The following EBF1 variants were observed in gnomAD, a reference collection of about 807,000 sequenced individuals.
EBF1 encodes the protein EBF transcription factor 1, also known as transcription factor COE1.
Under a neutral mutation model 68.4 loss-of-function variants are expected in EBF1, and 10 were observed. The observed-to-expected ratio is 0.15, with a 90% confidence interval of 0.09 to 0.25. The LOEUF is 0.25. Ranked by LOEUF, EBF1 falls within the 10% of genes least tolerant of loss-of-function variation. EBF1 has a pLI of 1.00. For missense variants in EBF1, 509 were observed against 794.4 expected (o/e 0.64, Z 4.32); for synonymous variants, 298 against 299.8 (o/e 0.99, Z 0.06).
At chr5:158,824,676 C>T (rs1335757981) in intron 7 of EBF1, among the ~76,000 whole-genome samples, 2 of 152,228 alleles carry the variant, frequency 1.3e-5, no homozygotes, top group Non-Finnish European at 2.9e-5. Flanking sequence ...AAGGGGGCAT[C>T]GACTTCTGAA....
chr5:158,797,237 C>A (rs1779751283), intron 8 of EBF1, among the ~76,000 whole-genome samples: 1 of 152,140 alleles, frequency 6.6e-6, no homozygotes, highest in South Asian at 2.1e-4. Flanking sequence ...AAATAATTTG[C>A]AAATACTGTG....
chr5:158,980,584 A>AC, intron 6 of EBF1, among the ~76,000 whole-genome samples: 1 of 152,226 alleles, frequency 6.6e-6, no homozygotes, highest in African/African-American at 2.4e-5. Context: ...ACAAATATCA[A>AC]CCCCCCGCAA....
At chr5:159,082,590 A>T (rs1161220835) in intron 5 of EBF1, among the ~76,000 whole-genome samples, 4 of 152,226 alleles carry the variant, frequency 2.6e-5, no homozygotes, top group Non-Finnish European at 4.4e-5. Context: ...GATGGTGTGG[A>T]AAGTGAGAAT....
At chr5:158,898,921 C>T (rs1409867380) in intron 6 of EBF1, among the ~76,000 whole-genome samples, 1 of 152,170 alleles carries the variant, frequency 6.6e-6, no homozygotes, top group Non-Finnish European at 1.5e-5. Context: ...CCTACAGTGA[C>T]AACACAACCT....
intron 10 of EBF1, among the ~76,000 whole-genome samples, chr5:158,737,265 G>GTTTT (rs1491041647): frequency 2.6e-5 from 2 of 78,238 alleles, no homozygotes; most frequent in African/African-American, 4.8e-5. Context: ...AACATGCCCT[G>GTTTT]ATTTTTTTTT....
At chr5:159,050,482 T>A (rs949993039) in intron 6 of EBF1, among the ~76,000 whole-genome samples, 1 of 152,134 alleles carries the variant, frequency 6.6e-6, no homozygotes, top group Non-Finnish European at 1.5e-5. Context: ...GATAAACATG[T>A]CACCAGAGAC....
intron 6 of EBF1, among the ~76,000 whole-genome samples, chr5:159,000,058 C>T (rs1762230751): frequency 6.6e-6 from 1 of 152,108 alleles, no homozygotes; most frequent in Non-Finnish European, 1.5e-5. Flanking sequence ...GACATTTGTG[C>T]TGAAGGTGCA....
At chr5:158,792,693 T>TG (rs1368531191) in intron 9 of EBF1, among the ~76,000 whole-genome samples, 1 of 152,198 alleles carries the variant, frequency 6.6e-6, no homozygotes, top group Non-Finnish European at 1.5e-5. Flanking sequence ...TCATGTGGTC[T>TG]GGGGCAAAGA....
Position 158,784,056 on chromosome 5 carries a change from A to T in EBF1, c.910-6517T>A, listed in dbSNP as rs919900336. Among the ~76,000 whole-genome samples the T allele has an allele frequency of 6.6e-5, 10 of 151,790 alleles. 1 individual carries two copies. In the South Asian group the frequency reaches 2.1e-3, roughly 31 times the overall value. Reference sequence around the variant, plus strand: ...ATCTATATTGTTCTAGTTCTCACTAAATTGATGATGGTAATGACCTTGATA... The same window carrying T: ...ATCTATATTGTTCTAGTTCTCACTATATTGATGATGGTAATGACCTTGATA... On this transcript the variant is annotated intron_variant, in intron 9 of 15. Coordinates refer to ENST00000313708, the MANE Select transcript of EBF1 (RefSeq NM_024007.5).
At chr5:158,761,125 C>T (rs766465063) in intron 10 of EBF1, among the ~76,000 whole-genome samples, 18 of 152,150 alleles carry the variant, frequency 1.2e-4, no homozygotes, top group Non-Finnish European at 2.1e-4. Flanking sequence ...CAGCACTTTG[C>T]ATCTGAAATT....
At chr5:158,849,657 A>C (rs554807106) in intron 6 of EBF1, among the ~76,000 whole-genome samples, 1 of 152,234 alleles carries the variant, frequency 6.6e-6, no homozygotes, top group Non-Finnish European at 1.5e-5. Flanking sequence ...CTGTACATGC[A>C]AAGCACTGAA....
rs1329226353 is a variant in EBF1, at chr5:158,696,295, G to C, written c.*2816C>G. The C allele has an allele frequency of 4.5e-6, 1 of 220,176 alleles. No individual in the cohort carries two copies. Among genetic ancestry groups the C allele is most frequent in the Non-Finnish European group, 9.1e-6 (1 of 109,840 alleles). 13.6% of individuals were successfully genotyped at this position (220,176 alleles called of 1,614,324 possible). On this transcript the variant is annotated 3_prime_UTR_variant, in exon 16 of 16. Coordinates refer to ENST00000313708, the MANE Select transcript of EBF1 (RefSeq NM_024007.5). ...CTTTTATTTGTAAAACTTTTGTGGA[G>C]AAGAAAGAGGATCAGAGGGCCAGAA...
intron 6 of EBF1, among the ~76,000 whole-genome samples, chr5:158,869,627 G>GTT (rs1562172068): frequency 1.4e-5 from 2 of 147,176 alleles, no homozygotes; most frequent in African/African-American, 5.0e-5. Flanking sequence ...ACGTTTTGTT[G>GTT]TTTGTTTTGT....
chr5:159,040,882 CAT>C (rs373780572), intron 6 of EBF1, among the ~76,000 whole-genome samples: 7 of 152,164 alleles, frequency 4.6e-5, no homozygotes, highest in African/African-American at 1.7e-4. Context: ...ATGGGGGTGA[CAT>C]ATACTCATGT....
intron 6 of EBF1, among the ~76,000 whole-genome samples, chr5:159,030,135 G>C (rs1369120980): frequency 1.3e-5 from 2 of 151,422 alleles, no homozygotes; most frequent in Non-Finnish European, 1.5e-5. Context: ...ATATATATAT[G>C]AATGTAAAAC....
At chr5:159,048,513 T>C (rs1399332850) in intron 6 of EBF1, among the ~76,000 whole-genome samples, 1 of 152,212 alleles carries the variant, frequency 6.6e-6, no homozygotes, top group Admixed American at 6.5e-5. Context: ...CTCTAGCCTC[T>C]TGTACTTCTG....
intron 8 of EBF1, among the ~76,000 whole-genome samples, chr5:158,810,803 C>T (rs1194826078): frequency 1.3e-5 from 2 of 152,188 alleles, no homozygotes; most frequent in Non-Finnish European, 2.9e-5. Flanking sequence ...ACCCTGTGGG[C>T]TCAAGAGTGT....
intron 6 of EBF1, among the ~76,000 whole-genome samples, chr5:158,923,044 T>C (rs1808790819): frequency 6.6e-6 from 1 of 152,308 alleles, no homozygotes; most frequent in African/African-American, 2.4e-5. Flanking sequence ...GAGGGGCGAT[T>C]TGAACGCAGA....
At chr5:158,818,843 A>G (rs1052489967) in intron 8 of EBF1, among the ~76,000 whole-genome samples, 12 of 152,056 alleles carry the variant, frequency 7.9e-5, no homozygotes, top group Non-Finnish European at 1.6e-4. Context: ...ATGAACACTA[A>G]CATGTTTATA....
Sources: gnomAD v4.1 joint callset for allele counts (sites outside exome capture counted in the v4.1 genomes callset) on GRCh38, gnomAD v4.1.1 for gene constraint, MANE v1.5 for transcripts, NCBI Gene and HGNC (gene_info 2026-07-23, HGNC 2026-07-21) for gene names.